Variants in HCN1 observed in about 807,000 individuals in gnomAD.
HCN1 encodes potassium/sodium hyperpolarization-activated cyclic nucleotide-gated channel 1.
A neutral mutation model predicts 78.9 loss-of-function variants in HCN1; 13 were observed. The ratio of observed to expected loss-of-function variants is 0.16; its 90% confidence interval spans 0.11 to 0.26. The LOEUF (loss-of-function observed/expected upper bound fraction) is 0.26. HCN1 is among the 10% of genes least tolerant of loss of function. The probability of loss-of-function intolerance (pLI) is 1.00; values close to 1 mark genes in which losing one functional copy is unlikely to be tolerated. For missense variants in HCN1, 810 were observed against 1,154.3 expected, an observed-to-expected ratio of 0.70 and a Z score of 4.32; for synonymous variants, 552 against 455.5, an observed-to-expected ratio of 1.21 and a Z score of -2.70.
intron 5 of HCN1, among the ~76,000 whole-genome samples, chr5:45,308,730 T>G (rs754297289): frequency 2.6e-5 from 4 of 152,190 alleles, no homozygotes; most frequent in Non-Finnish European, 4.4e-5. Context: ...TCTATGAGTC[T>G]GTTCTTGTAC....
intron 2 of HCN1, among the ~76,000 whole-genome samples, chr5:45,570,523 G>GT (rs1360851467): frequency 6.6e-6 from 1 of 152,078 alleles, no homozygotes; most frequent in Non-Finnish European, 1.5e-5. Context: ...AAGCTATTTT[G>GT]TTGCTTTCCT....
intron 2 of HCN1, among the ~76,000 whole-genome samples, chr5:45,473,710 T>C (rs1741455096): frequency 6.6e-6 from 1 of 151,872 alleles, no homozygotes; most frequent in Non-Finnish European, 1.5e-5. Flanking sequence ...TAGAAAATTA[T>C]GTTGACCTGG....
At chr5:45,670,536 T>C (rs1332793483) in intron 1 of HCN1, among the ~76,000 whole-genome samples, 2 of 151,724 alleles carry the variant, frequency 1.3e-5, no homozygotes, top group Admixed American at 1.3e-4. Context: ...AAATATGATA[T>C]AATTTTGGAC....
intron 2 of HCN1, among the ~76,000 whole-genome samples, chr5:45,509,303 T>C (rs1179736716): frequency 1.3e-5 from 2 of 152,140 alleles, no homozygotes; most frequent in Admixed American, 6.6e-5. Context: ...TTATGCTCTT[T>C]GGGTTATGTA....
intron 3 of HCN1, among the ~76,000 whole-genome samples, chr5:45,399,951 G>T (rs1036514708): frequency 1.3e-5 from 2 of 152,186 alleles, no homozygotes; most frequent in Admixed American, 1.3e-4. Context: ...TTTGGAGAAT[G>T]AGCAAATTTA....
chr5:45,356,721 T>A (rs899432268), intron 4 of HCN1, among the ~76,000 whole-genome samples: 1 of 152,052 alleles, frequency 6.6e-6, no homozygotes, highest in South Asian at 2.1e-4. Flanking sequence ...CAGATAACTC[T>A]AAGATACTTT....
At chr5:45,602,152 C>T (rs1439482219) in intron 2 of HCN1, among the ~76,000 whole-genome samples, 2 of 152,044 alleles carry the variant, frequency 1.3e-5, no homozygotes, top group Non-Finnish European at 2.9e-5. Flanking sequence ...GCAATTAAAC[C>T]ACCTTCCTTT....
chr5:45,495,954 C>T (rs1399031040), intron 2 of HCN1, among the ~76,000 whole-genome samples: 3 of 152,180 alleles, frequency 2.0e-5, no homozygotes, highest in Non-Finnish European at 4.4e-5. Flanking sequence ...ATGAAGCCCA[C>T]TTGATCATGG....
At chr5:45,631,164 A>G (rs1361994213) in intron 2 of HCN1, among the ~76,000 whole-genome samples, 5 of 152,176 alleles carry the variant, frequency 3.3e-5, no homozygotes, top group Non-Finnish European at 7.3e-5. Context: ...CGTTCAAGAC[A>G]TACCCTGTCT....
chr5:45,399,278 G>A (rs1189252573), intron 3 of HCN1, among the ~76,000 whole-genome samples: 2 of 152,216 alleles, frequency 1.3e-5, no homozygotes, highest in African/African-American at 4.8e-5. Context: ...CTGCCTTGCT[G>A]CTAGGCCAAT....
intron 5 of HCN1, among the ~76,000 whole-genome samples, chr5:45,318,604 TA>T (rs1389634786): frequency 6.6e-6 from 1 of 150,676 alleles, no homozygotes; most frequent in South Asian, 2.1e-4. Context: ...AAAAGTATAA[TA>T]AAAAAAGAAA....
chr5:45,592,619 T>C (rs1744390693), intron 2 of HCN1, among the ~76,000 whole-genome samples: 1 of 152,164 alleles, frequency 6.6e-6, no homozygotes, highest in Non-Finnish European at 1.5e-5. Context: ...AATGAATTTG[T>C]TTCTTGGACT....
At chr5:45,525,062 C>A (rs931122999) in intron 2 of HCN1, among the ~76,000 whole-genome samples, 1 of 152,090 alleles carries the variant, frequency 6.6e-6, no homozygotes, top group South Asian at 2.1e-4. Context: ...GAGTTTTTAG[C>A]ATGAAGGGCT....
At chr5:45,418,540 C>T (rs1222815836) in intron 3 of HCN1, among the ~76,000 whole-genome samples, 1 of 151,634 alleles carries the variant, frequency 6.6e-6, no homozygotes, top group Non-Finnish European at 1.5e-5. Context: ...GCAATCTGAT[C>T]CTTTCTAAAA....
intron 2 of HCN1, among the ~76,000 whole-genome samples, chr5:45,479,457 T>C (rs765101733): frequency 1.3e-5 from 2 of 152,146 alleles, no homozygotes; most frequent in Non-Finnish European, 2.9e-5. Context: ...GGAGAAAACA[T>C]AGCTAAGATG....
intron 2 of HCN1, among the ~76,000 whole-genome samples, chr5:45,571,352 TAAAA>T (rs1267230306): frequency 1.3e-5 from 2 of 152,190 alleles, no homozygotes; most frequent in African/African-American, 4.8e-5. Context: ...TTCTGACTCT[TAAAA>T]AGAGAATCAG....
At chr5:45,395,535 T>C (rs1312262659) in intron 4 of HCN1, among the ~76,000 whole-genome samples, 1 of 152,206 alleles carries the variant, frequency 6.6e-6, no homozygotes, top group East Asian at 1.9e-4. Flanking sequence ...TGTGTGATTA[T>C]AGTGTTGAAA....
At chr5:45,597,376 T>G (rs1382671896) in intron 2 of HCN1, among the ~76,000 whole-genome samples, 3 of 152,172 alleles carry the variant, frequency 2.0e-5, no homozygotes, top group African/African-American at 7.2e-5. Flanking sequence ...CAGCCCTTCA[T>G]GCTAAAAACT....
chr5:45,456,055 AT>A (rs1228136521), intron 3 of HCN1, among the ~76,000 whole-genome samples: 2 of 151,894 alleles, frequency 1.3e-5, no homozygotes, highest in Admixed American at 1.3e-4. Context: ...CATTACAGAC[AT>A]TTTTTATATC....
Sources: gnomAD v4.1 joint callset for allele counts (sites outside exome capture counted in the v4.1 genomes callset) on GRCh38, gnomAD v4.1.1 for gene constraint, MANE v1.5 for transcripts, NCBI Gene and HGNC (gene_info 2026-07-23, HGNC 2026-07-21) for gene names.